The following USH2A variants were observed in gnomAD, a reference collection of about 807,000 sequenced individuals.
USH2A encodes Usher syndrome 2A (autosomal recessive, mild).
A neutral mutation model predicts 538.9 loss-of-function variants in USH2A; 443 were observed. The ratio of observed to expected loss-of-function variants is 0.82; its 90% CI spans 0.76 to 0.89. USH2A has a LOEUF of 0.89. Among genes scored for constraint, USH2A ranks in the 40% least tolerant of loss-of-function variants. USH2A has a pLI of 0.00. For synonymous variants in USH2A, 2,413 were observed against 2,273.5 expected (o/e 1.06, Z -1.75); for missense variants, 6,633 against 6,324.8 (o/e 1.05, Z -1.65).
chr1:216,249,201 G>A (rs1393697243), intron 12 of USH2A, among the ~76,000 whole-genome samples: 2 of 151,790 alleles, frequency 1.3e-5, no homozygotes, highest in East Asian at 3.8e-4. Flanking sequence ...AATAACACTA[G>A]AAATAATAAT....
chr1:216,144,499 AAT>A (rs1224885906), intron 21 of USH2A, among the ~76,000 whole-genome samples: 1 of 152,212 alleles, frequency 6.6e-6, no homozygotes, highest in Non-Finnish European at 1.5e-5. Flanking sequence ...ACCCCAGGAA[AAT>A]ATGATTGTTC....
chr1:215,992,444 CAT>C (rs1390624367), intron 35 of USH2A, among the ~76,000 whole-genome samples: 1 of 152,108 alleles, frequency 6.6e-6, no homozygotes, highest in Non-Finnish European at 1.5e-5. Flanking sequence ...TGTACAAAAA[CAT>C]ATATATTGCT....
chr1:215,856,099 G>GA (rs1388161540), intron 44 of USH2A, among the ~76,000 whole-genome samples: 1 of 152,154 alleles, frequency 6.6e-6, no homozygotes, highest in Non-Finnish European at 1.5e-5. Flanking sequence ...GATAACATTG[G>GA]AAAAATCCTT....
intron 3 of USH2A, among the ~76,000 whole-genome samples, chr1:216,387,599 C>T (rs2039029013): frequency 6.6e-6 from 1 of 152,062 alleles, no homozygotes; most frequent in South Asian, 2.1e-4. Flanking sequence ...CAAGTTGGGC[C>T]AAACTGCTTT....
At chr1:216,148,592 C>G (rs2033763192) in intron 21 of USH2A, among the ~76,000 whole-genome samples, 1 of 152,180 alleles carries the variant, frequency 6.6e-6, no homozygotes, top group Non-Finnish European at 1.5e-5. Flanking sequence ...CCGCCTGCTA[C>G]AGCATGGCCT....
At chr1:215,993,492 G>T (rs185282969) in intron 34 of USH2A, among the ~76,000 whole-genome samples, 2 of 121,160 alleles carry the variant, frequency 1.7e-5, no homozygotes, top group East Asian at 2.1e-4. Context: ...TTGCACAAAG[G>T]TTCCCAGAGT....
intron 3 of USH2A, among the ~76,000 whole-genome samples, chr1:216,372,711 C>G (rs113600297): frequency 2.4e-4 from 36 of 152,156 alleles, no homozygotes; most frequent in African/African-American, 7.2e-4. Flanking sequence ...TGCCAACAGT[C>G]TGATTTATTG....
chr1:215,972,690 C>A (rs547022), intron 35 of USH2A, among the ~76,000 whole-genome samples: 8 of 151,938 alleles, frequency 5.3e-5, no homozygotes, highest in Admixed American at 2.0e-4. Flanking sequence ...AGAAGACAAC[C>A]TTGTATAGTT....
chr1:215,875,833 A>C (rs1664747015), intron 43 of USH2A, among the ~76,000 whole-genome samples: 1 of 148,510 alleles, frequency 6.7e-6, no homozygotes, highest in East Asian at 1.9e-4. Flanking sequence ...GTGACTTTGT[A>C]GATAACTCTG....
chr1:216,111,276 C>T (rs1232859481), intron 21 of USH2A, among the ~76,000 whole-genome samples: 1 of 152,050 alleles, frequency 6.6e-6, no homozygotes, highest in Non-Finnish European at 1.5e-5. Flanking sequence ...CCTGTATCTG[C>T]AGTCTGCCTA....
chr1:216,408,996 CTG>C (rs1237609124), intron 3 of USH2A, among the ~76,000 whole-genome samples: 2 of 152,156 alleles, frequency 1.3e-5, no homozygotes, highest in African/African-American at 4.8e-5. Context: ...TATTTTCAGA[CTG>C]TGGTTGACTG....
chr1:215,806,708 A>G (rs1662511886), intron 49 of USH2A, among the ~76,000 whole-genome samples: 1 of 152,122 alleles, frequency 6.6e-6, no homozygotes, highest in Non-Finnish European at 1.5e-5. Flanking sequence ...TATCAAAATG[A>G]TAAAAGACTT....
chr1:215,636,420 C>G (rs1307131967), intron 69 of USH2A, among the ~76,000 whole-genome samples: 3 of 152,228 alleles, frequency 2.0e-5, no homozygotes, highest in Non-Finnish European at 4.4e-5. Flanking sequence ...CTTCTCATCT[C>G]TAAAATAAAG....
chr1:215,657,955 A>G, intron 64 of USH2A, among the ~76,000 whole-genome samples: 1 of 135,312 alleles, frequency 7.4e-6, no homozygotes, highest in Admixed American at 7.8e-5. Context: ...TTTGAGACAG[A>G]GTCTCTCTCT....
At chr1:215,943,410 C>G (rs537015882) in intron 37 of USH2A, among the ~76,000 whole-genome samples, 3 of 152,168 alleles carry the variant, frequency 2.0e-5, no homozygotes, top group Admixed American at 2.0e-4. Context: ...GATGAAAAGC[C>G]TTGAGAGAAT....
At chr1:216,285,965 T>C (rs1414412634) in intron 11 of USH2A, among the ~76,000 whole-genome samples, 1 of 152,208 alleles carries the variant, frequency 6.6e-6, no homozygotes, top group Non-Finnish European at 1.5e-5. Flanking sequence ...GTAACTAACT[T>C]GCTTTTGCTT....
intron 37 of USH2A, among the ~76,000 whole-genome samples, chr1:215,941,134 C>G (rs1273409632): frequency 6.6e-6 from 1 of 152,060 alleles, no homozygotes; most frequent in Non-Finnish European, 1.5e-5. Flanking sequence ...CAGAAAGGAA[C>G]TATAATGCAT....
rs568500805 is a variant in USH2A, at chr1:215,920,277, G to A, written c.7300+14339C>T. Among the ~76,000 whole-genome samples the A allele has an allele frequency of 2.0e-4, 30 of 152,076 alleles. No individual in the cohort carries two copies. The East Asian group carries it at 4.7e-3, about 24-fold the overall frequency. ...CTAATGCTTTTCCTACTAGTCAGGC[G>A]ATATCTCCCAAAGAGCATCTTTGAT... On this transcript the variant is annotated intron_variant, in intron 38 of 71. Coordinates refer to ENST00000307340, the MANE Select transcript of USH2A (RefSeq NM_206933.4).
At chr1:216,171,337 T>G (rs2034272530) in intron 21 of USH2A, among the ~76,000 whole-genome samples, 1 of 152,000 alleles carries the variant, frequency 6.6e-6, no homozygotes, top group South Asian at 2.1e-4. Flanking sequence ...TGAGCAAGAT[T>G]AGACACTCAG....
Sources: allele counts gnomAD v4.1 joint callset (sites outside exome capture counted in the v4.1 genomes callset), GRCh38; gene constraint gnomAD v4.1.1; transcripts MANE v1.5; gene names NCBI Gene and HGNC (gene_info 2026-07-23, HGNC 2026-07-21).